Variants in KITLG observed in about 807,000 individuals in gnomAD.
KITLG encodes c-Kit ligand.
In KITLG, 13 loss-of-function variants were observed where a neutral mutation model predicts 34.1. That is an observed-to-expected ratio of 0.38 (90% CI 0.25 to 0.61). The LOEUF (loss-of-function observed/expected upper bound fraction) is 0.61, where lower values mean the gene tolerates loss of function less well. Among genes scored for constraint, KITLG ranks in the 20% least tolerant of loss-of-function variants. The pLI is 0.60. For synonymous variants in KITLG, 110 were observed against 104.0 expected (o/e 1.06, Z -0.35); for missense variants, 292 against 318.9 (o/e 0.92, Z 0.64).
chr12:88,565,001 C>G (rs1056051049), intron 1 of KITLG, among the ~76,000 whole-genome samples: 1 of 152,166 alleles, frequency 6.6e-6, no homozygotes, highest in Admixed American at 6.5e-5. Flanking sequence ...CTTTCTTCCT[C>G]CACGCTTAAT....
rs879810324 is a variant in KITLG, at chr12:88,552,764, A to T, written c.16-6899T>A. 2.1e-3 allele frequency among the ~76,000 whole-genome samples: 319 copies of T among 150,936 alleles called. 1 individual carries two copies. Among genetic ancestry groups the T allele is most frequent in the Non-Finnish European group, 3.3e-3 (226 of 67,612 alleles). On this transcript the variant is annotated intron_variant, in intron 1 of 9. Coordinates refer to ENST00000644744, the MANE Select transcript of KITLG (RefSeq NM_000899.5). ...GGTTTCCAAGGGCAAGAAGAAATTA[A>T]AAAAAAAAAACGCTTTTGGAAACCA... is the stretch of plus-strand genomic sequence containing the variant.
intron 1 of KITLG, among the ~76,000 whole-genome samples, chr12:88,566,761 G>A (rs1027526029): frequency 2.0e-5 from 3 of 152,142 alleles, no homozygotes; most frequent in South Asian, 2.1e-4. Context: ...ATGTAAAGTC[G>A]GTAGAGGATT....
chr12:88,512,722 G>C (rs1869321416), intron 6 of KITLG, among the ~76,000 whole-genome samples: 1 of 151,010 alleles, frequency 6.6e-6, no homozygotes, highest in South Asian at 2.1e-4. Flanking sequence ...AATAACTGCA[G>C]GAATACTATA....
intron 1 of KITLG, among the ~76,000 whole-genome samples, chr12:88,578,652 T>C (rs1339953551): frequency 6.6e-6 from 1 of 152,192 alleles, no homozygotes; most frequent in Admixed American, 6.5e-5. Context: ...AGTGACTTGA[T>C]AGTACATCCC....
intron 6 of KITLG, among the ~76,000 whole-genome samples, chr12:88,513,326 A>G (rs781221550): frequency 2.3e-4 from 35 of 151,332 alleles, no homozygotes; most frequent in Non-Finnish European, 4.6e-4. Flanking sequence ...GAAAAAAAAT[A>G]ATTAACCAAA....
Position 88,545,805 on chromosome 12 carries a change from C to T in KITLG, c.76G>A (p.Glu26Lys). 6.2e-7 allele frequency: 1 copy of T among 1,612,954 alleles called. No homozygotes were observed. Among genetic ancestry groups the T allele is most frequent in the Non-Finnish European group, 8.5e-7 (1 of 1,179,044 alleles). Residue 26 changes from glutamate to lysine, a missense_variant, in exon 2 of 10, where the codon GAA (glutamate) becomes AAA (lysine). Physicochemically the swap from Glu to Lys is moderately conservative, Grantham distance 56 (BLOSUM62 1). Transcript: ENST00000644744. The stretch of plus-strand genomic sequence containing the variant: ...GTCACACGATTCCTGCAGATCCCTT[C>T]AGTTTTGACGAGAGGATTAAATAGG... ...LLLFNPLVKT[E>K]GICRNRVTNN... is the part of the protein sequence containing the mutation.
intron 1 of KITLG, among the ~76,000 whole-genome samples, chr12:88,546,256 A>C (rs1326756310): frequency 2.0e-5 from 3 of 152,192 alleles, no homozygotes; most frequent in Non-Finnish European, 4.4e-5. Flanking sequence ...TTAAATGTAG[A>C]CTGCTTGGCA....
chr12:88,510,663 A>G (rs1295055054), intron 6 of KITLG, among the ~76,000 whole-genome samples: 3 of 152,210 alleles, frequency 2.0e-5, no homozygotes, highest in Admixed American at 2.0e-4. Flanking sequence ...TATTACTGTT[A>G]TGCTATAAAC....
intron 2 of KITLG, among the ~76,000 whole-genome samples, chr12:88,535,754 C>T (rs1304929746): frequency 2.0e-5 from 3 of 152,122 alleles, no homozygotes; most frequent in Non-Finnish European, 2.9e-5. Context: ...TACATGCATA[C>T]AAGCCATGTC....
chr12:88,519,572 G>A (rs1267959355), intron 3 of KITLG, among the ~76,000 whole-genome samples: 1 of 152,032 alleles, frequency 6.6e-6, no homozygotes, highest in Non-Finnish European at 1.5e-5. Flanking sequence ...TTTACCAGCA[G>A]AATATCTCTG....
intron 3 of KITLG, among the ~76,000 whole-genome samples, chr12:88,522,538 C>T (rs990765118): frequency 3.3e-5 from 5 of 151,160 alleles, no homozygotes; most frequent in Non-Finnish European, 7.4e-5. Flanking sequence ...AGCGATTCTC[C>T]TGCTTCAGCC....
chr12:88,521,044 C>T (rs995615241), intron 3 of KITLG, among the ~76,000 whole-genome samples: 2 of 152,080 alleles, frequency 1.3e-5, no homozygotes, highest in African/African-American at 4.8e-5. Context: ...GCTGAAAAAT[C>T]GTGTATTTCT....
rs1278413832 is a variant in KITLG at position 88,494,771 on chromosome 12, T to C, written c.*2448A>G. 6.6e-6 allele frequency: 1 copy of C among 152,250 alleles called. No homozygotes were observed. The highest frequency in any genetic ancestry group is 1.5e-5 in the Non-Finnish European group (1 of 67,932). The allele number at this position is 152,250 out of a possible 1,614,324, so 9.4% of individuals were successfully genotyped here. On this transcript the variant is annotated 3_prime_UTR_variant, in exon 10 of 10. Transcript: ENST00000644744. ...ATTTTGAAACCTTCCAAGATGGAAC[T>C]GTCAGATACATGGCACCAACTGAAA...
At chr12:88,552,416 C>T (rs565596174) in intron 1 of KITLG, among the ~76,000 whole-genome samples, 1 of 151,698 alleles carries the variant, frequency 6.6e-6, no homozygotes, top group East Asian at 1.9e-4. Context: ...TCTTGAACTC[C>T]TGAGCTCAGG....
intron 2 of KITLG, among the ~76,000 whole-genome samples, chr12:88,538,048 G>A (rs935869051): frequency 6.6e-6 from 1 of 152,096 alleles, no homozygotes; most frequent in Non-Finnish European, 1.5e-5. Context: ...CTAGCTGATG[G>A]ATTTATAAGG....
chr12:88,539,245 A>T (rs1167027538), intron 2 of KITLG, among the ~76,000 whole-genome samples: 5 of 152,108 alleles, frequency 3.3e-5, no homozygotes, highest in Non-Finnish European at 7.4e-5. Flanking sequence ...CTTACTTGTT[A>T]TGCTGTCTCT....
chr12:88,509,285 G>A (rs1869186238), intron 6 of KITLG, among the ~76,000 whole-genome samples: 2 of 152,096 alleles, frequency 1.3e-5, no homozygotes, highest in Non-Finnish European at 2.9e-5. Context: ...TCTATACAAA[G>A]ACCAAACCTA....
chr12:88,505,174 A>G lies in KITLG; in HGVS notation c.*22T>C. On this transcript the variant is annotated 3_prime_UTR_variant, in exon 9 of 10. Transcript: ENST00000644744. The stretch of plus-strand genomic sequence containing the variant: ...AAAAACTTACCAATGTACGAAAGTA[A>G]CAGTGTTGATACAAGCCACAATTAC... 1 of 1,578,500 alleles carries G rather than the reference A, an allele frequency of 6.3e-7. No homozygotes were observed. Among genetic ancestry groups the G allele is most frequent in the Non-Finnish European group, 8.7e-7 (1 of 1,148,212 alleles).
chr12:88,565,345 G>A (rs919215503), intron 1 of KITLG, among the ~76,000 whole-genome samples: 1 of 152,118 alleles, frequency 6.6e-6, no homozygotes, highest in Non-Finnish European at 1.5e-5. Context: ...AAAAAATCTC[G>A]GCTGGGCACG....
Sources: allele counts gnomAD v4.1 joint callset (sites outside exome capture counted in the v4.1 genomes callset), GRCh38; gene constraint gnomAD v4.1.1; transcripts MANE v1.5; gene names NCBI Gene and HGNC (gene_info 2026-07-23, HGNC 2026-07-21).